The following PTPRT variants were observed in gnomAD, a reference collection of about 807,000 sequenced individuals.
PTPRT encodes receptor-type tyrosine-protein phosphatase T.
A neutral mutation model predicts 176.8 loss-of-function variants in PTPRT; 56 were observed. That is an observed-to-expected ratio of 0.32 (90% CI 0.26 to 0.40). PTPRT has a LOEUF of 0.40. Among genes scored for constraint, PTPRT ranks in the 10% least tolerant of loss-of-function variants. The pLI is 1.00. For missense variants in PTPRT, 1,540 were observed against 1,908.2 expected, an observed-to-expected ratio of 0.81 and a Z score of 3.60; for synonymous variants, 783 against 739.0, an observed-to-expected ratio of 1.06 and a Z score of -0.96.
chr20:42,587,852 C>T (rs1297116111), intron 7 of PTPRT, among the ~76,000 whole-genome samples: 2 of 152,134 alleles, frequency 1.3e-5, no homozygotes, highest in African/African-American at 4.8e-5. Flanking sequence ...GACCTGAGTT[C>T]AAATTCTGCC....
At chr20:42,593,355 T>C (rs556997403) in intron 7 of PTPRT, among the ~76,000 whole-genome samples, 6 of 152,280 alleles carry the variant, frequency 3.9e-5, no homozygotes, top group African/African-American at 1.4e-4. Context: ...CACCCACTCC[T>C]ATTTCACCTC....
chr20:42,951,226 T>A (rs1468499825), intron 1 of PTPRT, among the ~76,000 whole-genome samples: 2 of 151,896 alleles, frequency 1.3e-5, no homozygotes, highest in African/African-American at 4.8e-5. Context: ...TGGGTGGGTA[T>A]ATGGATGGAT....
At chr20:42,250,112 C>T (rs750521066) in intron 13 of PTPRT, among the ~76,000 whole-genome samples, 3 of 152,214 alleles carry the variant, frequency 2.0e-5, no homozygotes, top group Admixed American at 1.3e-4. Flanking sequence ...TAACACTTTG[C>T]ACATGCCTCA....
chr20:42,650,321 C>T (rs1047840941), intron 7 of PTPRT, among the ~76,000 whole-genome samples: 2 of 152,116 alleles, frequency 1.3e-5, no homozygotes, highest in African/African-American at 4.8e-5. Context: ...GGTTTCTGCA[C>T]AAATCACTGC....
chr20:43,083,360 A>ATATATATATG (rs2011515255), intron 1 of PTPRT, among the ~76,000 whole-genome samples: 1 of 127,392 alleles, frequency 7.8e-6, no homozygotes, highest in African/African-American at 3.3e-5. Context: ...ATATATATAT[A>ATATATATATG]TATATATATA....
chr20:42,195,995 T>C (rs1991202468), intron 16 of PTPRT, among the ~76,000 whole-genome samples: 1 of 152,210 alleles, frequency 6.6e-6, no homozygotes, highest in Non-Finnish European at 1.5e-5. Flanking sequence ...AGTGACAATG[T>C]TATCCTTTGA....
chr20:42,341,741 T>C (rs2145478493), intron 11 of PTPRT, among the ~76,000 whole-genome samples: 1 of 152,262 alleles, frequency 6.6e-6, no homozygotes, highest in Non-Finnish European at 1.5e-5. Context: ...ATAGTCCCTA[T>C]GGTAGGAGGT....
intron 1 of PTPRT, among the ~76,000 whole-genome samples, chr20:42,914,140 A>G (rs981389025): frequency 5.3e-5 from 8 of 152,192 alleles, no homozygotes; most frequent in Admixed American, 2.6e-4. Flanking sequence ...AAATCTCACA[A>G]TCAAATTGTC....
chr20:42,370,073 G>C, intron 9 of PTPRT, among the ~76,000 whole-genome samples: 1 of 151,994 alleles, frequency 6.6e-6, no homozygotes, highest in East Asian at 1.9e-4. Context: ...CCTGTAACCC[G>C]TGTGTTATGA....
chr20:42,095,480 C>A (rs760477752), intron 27 of PTPRT, among the ~76,000 whole-genome samples: 1 of 152,202 alleles, frequency 6.6e-6, no homozygotes. Context: ...CCTGTGATGC[C>A]CCCCTGAGAG....
chr20:42,045,203 A>T, the PTPRT span, among the ~76,000 whole-genome samples: 3 of 152,176 alleles, frequency 2.0e-5, no homozygotes, highest in East Asian at 3.9e-4. Context: ...GGACATAGAC[A>T]CCTTTGGGAG....
intron 9 of PTPRT, among the ~76,000 whole-genome samples, chr20:42,388,717 C>T (rs868260778): frequency 6.6e-5 from 10 of 152,182 alleles, no homozygotes; most frequent in East Asian, 1.9e-4. Context: ...GACAGTGTGG[C>T]GACTCCTCAA....
At chr20:42,691,732 A>T (rs2075797146) in intron 6 of PTPRT, among the ~76,000 whole-genome samples, 1 of 152,144 alleles carries the variant, frequency 6.6e-6, no homozygotes, top group South Asian at 2.1e-4. Context: ...ACTTCGAAAC[A>T]ACACAATTCT....
At chr20:43,006,832 C>T (rs762550504) in intron 1 of PTPRT, among the ~76,000 whole-genome samples, 18 of 152,182 alleles carry the variant, frequency 1.2e-4, no homozygotes, top group Admixed American at 7.9e-4. Context: ...CACTTGGGCA[C>T]ATAAGCAGAC....
At chr20:42,929,859 G>A (rs1462569448) in intron 1 of PTPRT, among the ~76,000 whole-genome samples, 1 of 152,232 alleles carries the variant, frequency 6.6e-6, no homozygotes, top group Non-Finnish European at 1.5e-5. Context: ...CAGTTGCCAT[G>A]ACAATGTGTT....
chr20:43,088,333 G>GGCGTGT (rs1478715742), intron 1 of PTPRT, among the ~76,000 whole-genome samples: 38 of 142,848 alleles, frequency 2.7e-4, no homozygotes, highest in African/African-American at 9.3e-4. Flanking sequence ...TTTGCTTTGG[G>GGCGTGT]GTGTGTGTGT....
chr20:42,139,114 G>GT (rs937003557), intron 18 of PTPRT, among the ~76,000 whole-genome samples: 13 of 151,954 alleles, frequency 8.6e-5, no homozygotes, highest in South Asian at 8.3e-4. Context: ...ATTCCAGGTT[G>GT]TTTTTTTTCC....
At chr20:42,767,532 C>T (rs2076999539) in intron 5 of PTPRT, among the ~76,000 whole-genome samples, 1 of 151,580 alleles carries the variant, frequency 6.6e-6, no homozygotes, top group African/African-American at 2.4e-5. Context: ...TGTACTAAGT[C>T]CTTTCCTTCC....
intron 1 of PTPRT, among the ~76,000 whole-genome samples, chr20:42,891,861 T>A (rs1568664183): frequency 6.6e-6 from 1 of 152,218 alleles, no homozygotes; most frequent in Non-Finnish European, 1.5e-5. Context: ...CACCACTCTC[T>A]AAGACAGGAG....
Sources: allele counts gnomAD v4.1 joint callset (sites outside exome capture counted in the v4.1 genomes callset), GRCh38; gene constraint gnomAD v4.1.1; transcripts MANE v1.5; gene names NCBI Gene and HGNC (gene_info 2026-07-23, HGNC 2026-07-21).